UGT1A8: variants seen among roughly 807,000 people sequenced by gnomAD.
UGT1A8 encodes the protein UDP glucuronosyltransferase family 1 member A8.
A neutral mutation model predicts 45.3 loss-of-function variants in UGT1A8; 39 were observed. That is an observed-to-expected ratio of 0.86 (90% CI 0.67 to 1.12). The LOEUF (loss-of-function observed/expected upper bound fraction) is 1.12, where lower values mean the gene tolerates loss of function less well. Among genes scored for constraint, UGT1A8 ranks in the 50% most tolerant of loss-of-function variants. UGT1A8 has a pLI of 0.00. For missense variants in UGT1A8, 719 were observed against 664.9 expected, an observed-to-expected ratio of 1.08 and a Z score of -0.90; for synonymous variants, 275 against 249.2, an observed-to-expected ratio of 1.10 and a Z score of -0.97.
intron 1 of UGT1A8, among the ~76,000 whole-genome samples, chr2:233,687,473 A>G (rs1484827948): frequency 6.6e-6 from 1 of 151,782 alleles, no homozygotes; most frequent in East Asian, 1.9e-4. Context: ...CATTATTGGC[A>G]GACCTATTTT....
intron 1 of UGT1A8, among the ~76,000 whole-genome samples, chr2:233,717,036 C>A (rs1178363504): frequency 1.3e-5 from 2 of 152,172 alleles, no homozygotes; most frequent in Non-Finnish European, 2.9e-5. Flanking sequence ...TTCCAAGATA[C>A]ATGGGCCTCC....
chr2:233,741,913 G>T (rs539186110), intron 1 of UGT1A8: 3 of 151,962 alleles, frequency 2.0e-5, no homozygotes, highest in African/African-American at 4.9e-5. Flanking sequence ...GATGGAAAAG[G>T]TCTTCATTTG....
intron 1 of UGT1A8, chr2:233,636,978 C>T: frequency 6.2e-7 from 1 of 1,614,052 alleles, no homozygotes; most frequent in Non-Finnish European, 8.5e-7. Context: ...CTTTTGATAC[C>T]TGTGGCTTAA....
intron 1 of UGT1A8, chr2:233,760,701 C>T (rs768185321): frequency 1.2e-5 from 19 of 1,614,172 alleles, no homozygotes; most frequent in Non-Finnish European, 1.6e-5. Flanking sequence ...AGCTCATGGC[C>T]TCCCTGGCAG....
At chr2:233,677,456 A>T (rs754248202) in intron 1 of UGT1A8, among the ~76,000 whole-genome samples, 2 of 152,246 alleles carry the variant, frequency 1.3e-5, no homozygotes, top group African/African-American at 4.8e-5. Context: ...AAGCCTTGCC[A>T]ATACCATAAA....
intron 1 of UGT1A8, among the ~76,000 whole-genome samples, chr2:233,634,330 T>C (rs186728362): frequency 1.6e-3 from 241 of 152,332 alleles, no homozygotes; most frequent in South Asian, 8.5e-3. Flanking sequence ...TAGGTTTGCT[T>C]GGTCCAGAAC....
intron 1 of UGT1A8, chr2:233,717,704 A>C (rs1330764732): frequency 1.8e-5 from 8 of 450,922 alleles, no homozygotes; most frequent in Non-Finnish European, 2.7e-5. Flanking sequence ...CTGGAGCAGG[A>C]CGAGCCTCAT....
intron 1 of UGT1A8, among the ~76,000 whole-genome samples, chr2:233,640,935 T>C (rs933376852): frequency 1.3e-5 from 2 of 152,188 alleles, no homozygotes; most frequent in African/African-American, 4.8e-5. Context: ...GCAGATGAAC[T>C]ATAAGTCTCC....
chr2:233,709,352 A>G (rs1366847300), intron 1 of UGT1A8, among the ~76,000 whole-genome samples: 2 of 152,340 alleles, frequency 1.3e-5, no homozygotes, highest in East Asian at 1.9e-4. Flanking sequence ...ACCTATTACT[A>G]TATAGATTTT....
At chr2:233,703,597 A>G (rs1345534938) in intron 1 of UGT1A8, among the ~76,000 whole-genome samples, 2 of 152,058 alleles carry the variant, frequency 1.3e-5, no homozygotes, top group African/African-American at 2.4e-5. Flanking sequence ...GCTTCATGAT[A>G]CTGTGTCATT....
chr2:233,666,861 C>T (rs2074088356), intron 1 of UGT1A8, among the ~76,000 whole-genome samples: 1 of 148,776 alleles, frequency 6.7e-6, no homozygotes. Flanking sequence ...CATGTGTTCT[C>T]ATTGTTCAAT....
chr2:233,743,421 G>A (rs1692287450), intron 1 of UGT1A8: 1 of 1,339,950 alleles, frequency 7.5e-7, no homozygotes, highest in African/African-American at 1.5e-5. Flanking sequence ...TTCCCAGGGA[G>A]CCAAAGGAAC....
chr2:233,641,561 T>C (rs918013492), intron 1 of UGT1A8, among the ~76,000 whole-genome samples: 2 of 152,248 alleles, frequency 1.3e-5, no homozygotes, highest in Non-Finnish European at 2.9e-5. Context: ...TACAATGTTA[T>C]AATATTCTGT....
chr2:233,633,884 C>A (rs988600281), intron 1 of UGT1A8, among the ~76,000 whole-genome samples: 1 of 152,054 alleles, frequency 6.6e-6, no homozygotes, highest in Non-Finnish European at 1.5e-5. Flanking sequence ...TTCTCTAGTT[C>A]TTTTAATTGT....
chr2:233,769,849 C>A lies in UGT1A8; in HGVS notation c.1295+1410C>A, dbSNP rs1159124687. ...CAGCAACCTGGGCAACAGAGTGAGA[C>A]CCTGTCTCAAAAAAAAAAAAAAAAA... On this transcript the variant is annotated intron_variant, in intron 4 of 4. Transcript: ENST00000373450. The surrounding 1 kb of genome is among the most constrained non-coding windows in gnomAD (Gnocchi z 4.4). 1 of 524,548 alleles carries A rather than the reference C, an allele frequency of 1.9e-6. No homozygotes were observed. The highest frequency in any genetic ancestry group is 3.0e-6 in the Non-Finnish European group (1 of 331,924). The allele number at this position is 524,548 out of a possible 1,614,324, so 32.5% of individuals were successfully genotyped here.
At chr2:233,627,601 G>C (rs1324379296) in intron 1 of UGT1A8, among the ~76,000 whole-genome samples, 1 of 147,654 alleles carries the variant, frequency 6.8e-6, no homozygotes, top group Non-Finnish European at 1.5e-5. Context: ...ATGTCTTCAT[G>C]AATCTCCCTT....
intron 1 of UGT1A8, chr2:233,755,041 A>T (rs1695713138): frequency 2.3e-6 from 3 of 1,323,402 alleles, no homozygotes; most frequent in African/African-American, 1.5e-5. Flanking sequence ...CCGCCTGCGC[A>T]GCCGCCCTCC....
intron 1 of UGT1A8, among the ~76,000 whole-genome samples, chr2:233,759,599 A>ACCCCCCCCCCC (rs1553620419): frequency 8.2e-4 from 89 of 108,630 alleles, no homozygotes; most frequent in African/African-American, 1.6e-3. Context: ...CCCACCCCCG[A>ACCCCCCCCCCC]CCCGCCCCAC....
chr2:233,624,839 T>C (rs1329630274), intron 1 of UGT1A8, among the ~76,000 whole-genome samples: 1 of 152,136 alleles, frequency 6.6e-6, no homozygotes, highest in Non-Finnish European at 1.5e-5. Context: ...TAGTTTTCAG[T>C]GTACAGTCTT....
Sources: allele counts gnomAD v4.1 joint callset (sites outside exome capture counted in the v4.1 genomes callset), GRCh38; gene constraint gnomAD v4.1.1; non-coding constraint Gnocchi (gnomAD v3.1); transcripts MANE v1.5; gene names NCBI Gene and HGNC (gene_info 2026-07-23, HGNC 2026-07-21).